Variants in SLC30A6 observed in about 807,000 individuals in gnomAD.
The protein encoded by SLC30A6 is solute carrier family 30 member 6.
SLC30A6 carries 55 observed loss-of-function variants against 63.0 expected under a neutral mutation model. The ratio of observed to expected loss-of-function variants is 0.87; its 90% CI spans 0.70 to 1.09. The LOEUF is 1.09. Among genes scored for constraint, SLC30A6 ranks in the 50% least tolerant of loss-of-function variants. The pLI is 0.00. For missense variants in SLC30A6, 587 were observed against 549.2 expected, an observed-to-expected ratio of 1.07 and a Z score of -0.69; for synonymous variants, 224 against 186.1, an observed-to-expected ratio of 1.20 and a Z score of -1.66.
Position 32,177,864 on chromosome 2 carries a change from A to G in SLC30A6, c.218+2503A>G, listed in dbSNP as rs571326452. ...GGCTGGTCTCGAACTCCCAAACTCAAGTCATCTGCCTGCCTCCGCCTCCCA... is the reference window on the plus strand; with the variant it reads ...GGCTGGTCTCGAACTCCCAAACTCAGGTCATCTGCCTGCCTCCGCCTCCCA... On this transcript the variant is annotated intron_variant, in intron 4 of 13. Coordinates refer to ENST00000282587, the MANE Select transcript of SLC30A6 (RefSeq NM_017964.5). Among the ~76,000 whole-genome samples, 34 of 150,856 alleles carry G rather than the reference A, an allele frequency of 2.3e-4. No individual in the cohort carries two copies. In the East Asian group the frequency reaches 6.2e-3, roughly 28 times the overall value.
At chr2:32,203,127 G>A (rs1453456694) in intron 10 of SLC30A6, 1 of 1,296,414 alleles carries the variant, frequency 7.7e-7, no homozygotes, top group Non-Finnish European at 1.1e-6. Context: ...TAAAGTTTTG[G>A]TGGCAACCAA....
chr2:32,210,220 T>A (rs970822475), intron 13 of SLC30A6, among the ~76,000 whole-genome samples: 1 of 152,086 alleles, frequency 6.6e-6, no homozygotes, highest in African/African-American at 2.4e-5. Context: ...CCTTAGAAAA[T>A]GAGATCACGG....
chr2:32,169,817 T>C (rs183874084), intron 1 of SLC30A6, among the ~76,000 whole-genome samples: 2 of 152,188 alleles, frequency 1.3e-5, no homozygotes, highest in African/African-American at 4.8e-5. Flanking sequence ...GCATACCATT[T>C]TTATTTTTAA....
At chr2:32,192,512 A>G in intron 6 of SLC30A6, 96 bp downstream of exon 6, 1 of 999,560 alleles carries the variant, frequency 1.0e-6, no homozygotes, top group Non-Finnish European at 1.5e-6. Context: ...AGGGTATGAA[A>G]ACTTAGATGA....
At chr2:32,194,586 G>A (rs1373248437) in intron 8 of SLC30A6, among the ~76,000 whole-genome samples, 2 of 152,156 alleles carry the variant, frequency 1.3e-5, no homozygotes, top group African/African-American at 4.8e-5. Flanking sequence ...TAGCCACTAA[G>A]AGATGGAGAA....
intron 4 of SLC30A6, among the ~76,000 whole-genome samples, chr2:32,179,060 A>T (rs1430183345): frequency 6.6e-6 from 1 of 152,038 alleles, no homozygotes; most frequent in Admixed American, 6.6e-5. Flanking sequence ...AGGTCTTCTT[A>T]TGTTGCCCAG....
chr2:32,201,656 G>C (rs1479603258), intron 10 of SLC30A6: 1 of 1,511,542 alleles, frequency 6.6e-7, no homozygotes, highest in East Asian at 2.4e-5. Context: ...CCTTGGAGGA[G>C]TCCGAGAGCC....
chr2:32,177,125 C>G (rs569792862), intron 4 of SLC30A6, among the ~76,000 whole-genome samples: 1 of 152,156 alleles, frequency 6.6e-6, no homozygotes, highest in African/African-American at 2.4e-5. Flanking sequence ...CTATTACTCT[C>G]CAGTCATTCC....
In SLC30A6 at chr2:32,171,189, A is replaced by G. The variant is rs1372375007; in HGVS notation, c.4-98A>G. 4.4e-6 allele frequency: 4 copies of G among 903,362 alleles called. No individual in the cohort carries two copies. In the African/African-American group the frequency reaches 6.8e-5, roughly 15 times the overall value. The allele number at this position is 903,362 out of a possible 1,614,324, so 56.0% of individuals were successfully genotyped here. A position where few individuals can be genotyped will look rare whatever the true frequency, so the allele number is the denominator to read the frequency against. On this transcript the variant is annotated intron_variant, in intron 1 of 13. Transcript: ENST00000282587. The stretch of plus-strand genomic sequence containing the variant: ...GATGTATATTGAGTACTTAATAAAT[A>G]TTGGTTATTTATATCATAGGAACCA...
At chr2:32,166,129 G>A (rs1037518184) in intron 1 of SLC30A6, among the ~76,000 whole-genome samples, 3 of 152,190 alleles carry the variant, frequency 2.0e-5, no homozygotes, top group Non-Finnish European at 4.4e-5. Context: ...AGGCCCCGCT[G>A]CAGGCAGAGC....
chr2:32,209,864 A>G (rs1573406202), intron 13 of SLC30A6, among the ~76,000 whole-genome samples: 1 of 152,184 alleles, frequency 6.6e-6, no homozygotes, highest in African/African-American at 2.4e-5. Context: ...TGTTAATGAT[A>G]ATAATACAGG....
intron 10 of SLC30A6, among the ~76,000 whole-genome samples, chr2:32,198,740 C>T (rs1684014362): frequency 6.6e-6 from 1 of 152,134 alleles, no homozygotes; most frequent in African/African-American, 2.4e-5. Flanking sequence ...CCTGCCACCA[C>T]ACCTGGCTAA....
chr2:32,166,777 A>G (rs1680699144), intron 1 of SLC30A6, among the ~76,000 whole-genome samples: 1 of 152,240 alleles, frequency 6.6e-6, no homozygotes. Context: ...ATGGTCGGGA[A>G]AATGCCTCAT....
chr2:32,172,347 G>A (rs929909896), intron 2 of SLC30A6, among the ~76,000 whole-genome samples: 5 of 151,798 alleles, frequency 3.3e-5, no homozygotes. Flanking sequence ...ATCCAACTTA[G>A]ATTCTATGCT....
At chr2:32,196,984 C>T (rs181243373) in intron 8 of SLC30A6, among the ~76,000 whole-genome samples, 290 of 152,224 alleles carry the variant, frequency 1.9e-3, no homozygotes, top group African/African-American at 6.2e-3. Flanking sequence ...TGCTTGAACG[C>T]GGGAGACAGA....
intron 4 of SLC30A6, among the ~76,000 whole-genome samples, chr2:32,179,225 T>G (rs1255419219): frequency 1.3e-5 from 2 of 152,200 alleles, no homozygotes; most frequent in African/African-American, 2.4e-5. Context: ...GAGGGCAATT[T>G]GGCAATATCA....
chr2:32,202,835 C>T (rs779779276), intron 10 of SLC30A6: 47 of 830,748 alleles, frequency 5.7e-5, no homozygotes, highest in African/African-American at 1.2e-4. Flanking sequence ...AATCCAGATA[C>T]GAACAGATTG....
In SLC30A6 at chr2:32,167,341, C is replaced by G. The variant is rs538761533; in HGVS notation, c.3+1438C>G. ...CCTCCCGCCTCTGCCTCCCAAAGTG[C>G]TGGGATTACAGGCGTGAGCCACCGT... is the stretch of plus-strand genomic sequence containing the variant. On this transcript the variant is annotated intron_variant, in intron 1 of 13. Transcript: ENST00000282587. Among the ~76,000 whole-genome samples the G allele has an allele frequency of 6.7e-4, 89 of 133,038 alleles. No homozygotes were observed. The East Asian group carries it at 9.5e-3, about 14-fold the overall frequency. 87.3% of individuals were successfully genotyped at this position (133,038 alleles called of 152,430 possible). A position where few individuals can be genotyped will look rare whatever the true frequency, so the allele number is the denominator to read the frequency against.
chr2:32,184,338 G>A lies in SLC30A6; in HGVS notation c.284G>A (p.Gly95Glu). The change falls in exon 5 of 14, where the codon GGG becomes GAG. Residue 95 changes from glycine to glutamate, a missense_variant and splice_region_variant. Transcript: ENST00000282587. ...AAACCTAGCCCTGTCTATTCATTTG[G>A]GTAAGTTCAAATTATTTTATTTTCT... is the stretch of plus-strand genomic sequence containing the variant. The part of the protein sequence containing the change: ...LRKPSPVYSF[G>E]FERLEVLAVF... The A allele has an allele frequency of 6.8e-7, 1 of 1,478,214 alleles. No homozygotes were observed. Among genetic ancestry groups the A allele is most frequent in the South Asian group, 1.5e-5 (1 of 68,210 alleles). The allele number at this position is 1,478,214 out of a possible 1,614,324, so 91.6% of individuals were successfully genotyped here. A position where few individuals can be genotyped will look rare whatever the true frequency, so the allele number is the denominator to read the frequency against.
Sources: allele counts gnomAD v4.1 joint callset (sites outside exome capture counted in the v4.1 genomes callset), GRCh38; gene constraint gnomAD v4.1.1; transcripts MANE v1.5; gene names NCBI Gene and HGNC (gene_info 2026-07-23, HGNC 2026-07-21).